SHISAL2B: variants seen among roughly 807,000 people sequenced by gnomAD.
The protein encoded by SHISAL2B is shisa like 2B, also known as protein shisa-like-2B.
Under a neutral mutation model 16.5 loss-of-function variants are expected in SHISAL2B, and 12 were observed. The ratio of observed to expected loss-of-function variants is 0.73; its 90% confidence interval spans 0.47 to 1.18. SHISAL2B has a LOEUF of 1.18. SHISAL2B is among the 50% of genes most tolerant of loss of function. SHISAL2B has a pLI of 0.00. For synonymous variants in SHISAL2B, 72 were observed against 75.0 expected (o/e 0.96, Z 0.21); for missense variants, 183 against 193.6 (o/e 0.95, Z 0.33).
chr5:64,692,304 A>C (rs1741662478), intron 1 of SHISAL2B, among the ~76,000 whole-genome samples: 1 of 152,214 alleles, frequency 6.6e-6, no homozygotes, highest in African/African-American at 2.4e-5. Flanking sequence ...ATAGTTCCAA[A>C]GTGACAAGCA....
intron 2 of SHISAL2B, among the ~76,000 whole-genome samples, chr5:64,703,958 T>C (rs1470585907): frequency 1.3e-5 from 2 of 152,296 alleles, no homozygotes; most frequent in Non-Finnish European, 2.9e-5. Flanking sequence ...CATATTAAAT[T>C]TGAAGAGAAA....
intron 2 of SHISAL2B, among the ~76,000 whole-genome samples, chr5:64,707,836 TA>T (rs1741895048): frequency 6.6e-6 from 1 of 152,216 alleles, no homozygotes; most frequent in East Asian, 1.9e-4. Context: ...TCCATGCACT[TA>T]ACTCTGGTCC....
rs569263700 is a variant in SHISAL2B at position 64,709,263 on chromosome 5, C to T, written c.350-8626C>T. Among the ~76,000 whole-genome samples the T allele has an allele frequency of 1.2e-4, 18 of 148,114 alleles. No homozygotes were observed. The East Asian group carries it at 3.2e-3, about 26-fold the overall frequency. On this transcript the variant is annotated intron_variant, in intron 2 of 2. Coordinates refer to ENST00000389074, the MANE Select transcript of SHISAL2B (RefSeq NM_001164442.2). ...CCATGTGATCTCATTGTTCAATTCCCACCTATGAGTGAGAATATGTGGTGT... is the reference window on the plus strand; with the variant it reads ...CCATGTGATCTCATTGTTCAATTCCTACCTATGAGTGAGAATATGTGGTGT...
At chr5:64,703,071 A>G (rs1008593566) in intron 2 of SHISAL2B, among the ~76,000 whole-genome samples, 5 of 152,188 alleles carry the variant, frequency 3.3e-5, no homozygotes, top group Non-Finnish European at 7.4e-5. Flanking sequence ...GTAGCATTCA[A>G]GTTTCCAAAT....
intron 2 of SHISAL2B, among the ~76,000 whole-genome samples, chr5:64,716,495 A>T (rs1319956087): frequency 6.6e-6 from 1 of 152,200 alleles, no homozygotes; most frequent in Admixed American, 6.5e-5. Flanking sequence ...AAATAGGTAA[A>T]TTATATTAGT....
chr5:64,715,444 T>G (rs956764856), intron 2 of SHISAL2B, among the ~76,000 whole-genome samples: 1 of 152,008 alleles, frequency 6.6e-6, no homozygotes, highest in Non-Finnish European at 1.5e-5. Flanking sequence ...GAAGGAGAAT[T>G]CTTCAAGCAA....
intron 2 of SHISAL2B, among the ~76,000 whole-genome samples, chr5:64,697,269 CT>C (rs1362525446): frequency 6.6e-6 from 1 of 152,148 alleles, no homozygotes; most frequent in African/African-American, 2.4e-5. Flanking sequence ...AAGAATTTAT[CT>C]GTGTGTCTAC....
At chr5:64,706,151 TGC>T (rs1741874379) in intron 2 of SHISAL2B, among the ~76,000 whole-genome samples, 1 of 152,202 alleles carries the variant, frequency 6.6e-6, no homozygotes, top group African/African-American at 2.4e-5. Context: ...AGAGCAAGAC[TGC>T]GTCTTAAACA....
intron 2 of SHISAL2B, among the ~76,000 whole-genome samples, chr5:64,699,572 C>T (rs1372979525): frequency 6.6e-6 from 1 of 152,140 alleles, no homozygotes; most frequent in Non-Finnish European, 1.5e-5. Flanking sequence ...CAAAATCAAG[C>T]AAGTAAATAT....
At position 64,718,095 on chromosome 5, in the gene SHISAL2B, T is replaced by A; in HGVS notation, c.*73T>A. 7.7e-7 allele frequency: 1 copy of A among 1,304,102 alleles called. No individual in the cohort carries two copies. The highest frequency in any genetic ancestry group is 1.0e-6 in the Non-Finnish European group (1 of 1,002,784). The allele number at this position is 1,304,102 out of a possible 1,614,324, so 80.8% of individuals were successfully genotyped here. On this transcript the variant is annotated 3_prime_UTR_variant, in exon 3 of 3. Coordinates refer to ENST00000389074, the MANE Select transcript of SHISAL2B (RefSeq NM_001164442.2). Reference sequence around the variant, plus strand: ...AAATAAAGCGTGCACTTGAAACGGTTTGTAATATTGCTTTTCAAAAATTCG... The same window carrying A: ...AAATAAAGCGTGCACTTGAAACGGTATGTAATATTGCTTTTCAAAAATTCG...
chr5:64,702,088 A>G (rs1391601318), intron 2 of SHISAL2B, among the ~76,000 whole-genome samples: 1 of 152,216 alleles, frequency 6.6e-6, no homozygotes, highest in East Asian at 1.9e-4. Flanking sequence ...CAAAAGATAT[A>G]AAGATAAAAG....
intron 2 of SHISAL2B, among the ~76,000 whole-genome samples, chr5:64,716,524 G>C (rs1286826177): frequency 1.3e-5 from 2 of 152,174 alleles, no homozygotes; most frequent in East Asian, 3.8e-4. Flanking sequence ...GCTTTGGGGG[G>C]AGAAATGGAG....
rs947149725 is a variant in SHISAL2B, at chr5:64,713,411, T to A, written c.350-4478T>A. Among the ~76,000 whole-genome samples the A allele has an allele frequency of 5.9e-4, 54 of 90,936 alleles. 11 individuals carry two copies. Among genetic ancestry groups the A allele is most frequent in the African/African-American group, 4.7e-3 (54 of 11,542 alleles). The allele number at this position is 90,936 out of a possible 152,430, so 59.7% of individuals were successfully genotyped here. On this transcript the variant is annotated intron_variant, in intron 2 of 2. Coordinates refer to ENST00000389074, the MANE Select transcript of SHISAL2B (RefSeq NM_001164442.2). Reference sequence around the variant, plus strand: ...GTAGGGTTTCTGTCAAGAGATCCGCTGTTAGTCTGATGGGCTTCCCTTTGA... The same window carrying A: ...GTAGGGTTTCTGTCAAGAGATCCGCAGTTAGTCTGATGGGCTTCCCTTTGA...
chr5:64,713,634 T>C lies in SHISAL2B; in HGVS notation c.350-4255T>C, dbSNP rs1424214955. The stretch of plus-strand genomic sequence containing the variant: ...CTCCTGGATAATATCCTGCAGAGTG[T>C]TTTCCAACTTGGTTCCATTCTCCCC... On this transcript the variant is annotated intron_variant, in intron 2 of 2. Transcript: ENST00000389074. Among the ~76,000 whole-genome samples the C allele has an allele frequency of 8.5e-5, 10 of 117,008 alleles. No individual in the cohort carries two copies. The East Asian group carries it at 2.0e-3, about 23-fold the overall frequency. 76.8% of individuals were successfully genotyped at this position (117,008 alleles called of 152,430 possible).
chr5:64,694,038 G>T (rs897802794), intron 1 of SHISAL2B: 2 of 453,240 alleles, frequency 4.4e-6, no homozygotes, highest in Non-Finnish European at 8.9e-6. Context: ...AAGCAACAAT[G>T]CTCCTGGCAT....
At chr5:64,714,708 A>G (rs1468580689) in intron 2 of SHISAL2B, among the ~76,000 whole-genome samples, 3 of 151,888 alleles carry the variant, frequency 2.0e-5, no homozygotes, top group East Asian at 1.9e-4. Context: ...TGGGCGTAGG[A>G]CCCTCTGAGC....
intron 2 of SHISAL2B, among the ~76,000 whole-genome samples, chr5:64,712,719 G>A (rs1307317857): frequency 6.6e-6 from 1 of 152,080 alleles, no homozygotes; most frequent in Non-Finnish European, 1.5e-5. Context: ...GAATCTGGGT[G>A]CTCCTGTATT....
intron 2 of SHISAL2B, among the ~76,000 whole-genome samples, chr5:64,698,602 A>C (rs143150820): frequency 1.3e-5 from 2 of 152,030 alleles, no homozygotes; most frequent in African/African-American, 2.4e-5. Context: ...TGGTTACCCT[A>C]TCTGTATTTT....
At chr5:64,702,676 T>C (rs973631435) in intron 2 of SHISAL2B, among the ~76,000 whole-genome samples, 1 of 152,130 alleles carries the variant, frequency 6.6e-6, no homozygotes, top group Non-Finnish European at 1.5e-5. Context: ...TAGGTAATTA[T>C]GTAGTTGTCG....
Sources: allele counts gnomAD v4.1 joint callset (sites outside exome capture counted in the v4.1 genomes callset), GRCh38; gene constraint gnomAD v4.1.1; transcripts MANE v1.5; gene names NCBI Gene and HGNC (gene_info 2026-07-23, HGNC 2026-07-21).